TXNDC8: variants seen among roughly 807,000 people sequenced by gnomAD.
The protein encoded by TXNDC8 is thioredoxin domain-containing protein 8.
In TXNDC8, 15 loss-of-function variants were observed where a neutral mutation model predicts 12.9. The ratio of observed to expected loss-of-function variants is 1.16; its 90% CI spans 0.78 to 1.79. TXNDC8 has a LOEUF of 1.79. TXNDC8 is among the 40% of genes most tolerant of loss of function. The probability of loss-of-function intolerance (pLI) is 0.00; values close to 1 mark genes in which losing one functional copy is unlikely to be tolerated. For missense variants in TXNDC8, 128 were observed against 113.2 expected (o/e 1.13, Z -0.59); for synonymous variants, 40 against 35.4 (o/e 1.13, Z -0.46).
At chr9:110,322,830 C>T (rs1839159290) in intron 3 of TXNDC8, 1 of 985,402 alleles carries the variant, frequency 1.0e-6, no homozygotes, top group Non-Finnish European at 1.2e-6. Flanking sequence ...TTCATTCATG[C>T]ACTCACTCAT....
downstream of TXNDC8, among the ~76,000 whole-genome samples, chr9:110,303,185 G>A (rs1434015420): frequency 1.3e-5 from 2 of 152,178 alleles, no homozygotes; most frequent in Non-Finnish European, 2.9e-5. Flanking sequence ...CTTGACCACT[G>A]GGAAGAATTG....
At position 110,318,736 on chromosome 9, in the gene TXNDC8, TA is replaced by T. The variant is rs74834217; in HGVS notation, c.195+7438del. ...CTGGGCGACAGAGCAAGACTCCGTC[TA>T]AAAAAAAAAAAAATTTTAAGGGGTA... On this transcript the variant is annotated intron_variant, in intron 3 of 4. Transcript: ENST00000423740. 4.0e-3 allele frequency among the ~76,000 whole-genome samples: 564 copies of T among 141,194 alleles called. 1 individual carries two copies. Among genetic ancestry groups the T allele is most frequent in the African/African-American group, 6.4e-3 (246 of 38,554 alleles). 92.6% of individuals were successfully genotyped at this position (141,194 alleles called of 152,430 possible).
At chr9:110,307,139 A>C (rs993751144) in intron 3 of TXNDC8, among the ~76,000 whole-genome samples, 1 of 151,608 alleles carries the variant, frequency 6.6e-6, no homozygotes, top group African/African-American at 2.4e-5. Flanking sequence ...TTTTTTGTAA[A>C]GGCGAGATCT....
At chr9:110,337,447 T>C (rs1839801060) in intron 1 of TXNDC8, among the ~76,000 whole-genome samples, 1 of 152,146 alleles carries the variant, frequency 6.6e-6, no homozygotes, top group Non-Finnish European at 1.5e-5. Context: ...TTCCATGGAA[T>C]TTTCCAAGCA....
Position 110,319,363 on chromosome 9 carries a change from C to T in TXNDC8, c.195+6812G>A, listed in dbSNP as rs193107041. On this transcript the variant is annotated intron_variant, in intron 3 of 4. Coordinates refer to ENST00000423740, the MANE Select transcript of TXNDC8 (RefSeq NM_001286946.2). ...AAATTACTATTTATTTATACATTTT[C>T]AGAGAGATGGCCGTGCACAGCTAGA... Among the ~76,000 whole-genome samples the T allele has an allele frequency of 7.7e-4, 118 of 152,306 alleles. 1 individual carries two copies. The highest frequency in any genetic ancestry group is 7.1e-3 in the Admixed American group (109 of 15,298).
intron 3 of TXNDC8, among the ~76,000 whole-genome samples, chr9:110,315,101 C>T (rs1010384702): frequency 2.6e-5 from 4 of 151,884 alleles, no homozygotes; most frequent in African/African-American, 7.3e-5. Flanking sequence ...CATCCAGAGG[C>T]AGGTTTTTTT....
At chr9:110,308,298 G>A (rs10759409) in intron 3 of TXNDC8, among the ~76,000 whole-genome samples, 17,734 of 152,160 alleles carry the variant, frequency 0.12, 1,140 homozygotes, top group African/African-American at 0.17. Flanking sequence ...CCTTTATAGA[G>A]TCTGAGGTTG....
At chr9:110,333,401 T>G (rs1344446950) in intron 2 of TXNDC8, among the ~76,000 whole-genome samples, 2 of 152,182 alleles carry the variant, frequency 1.3e-5, no homozygotes, top group Admixed American at 6.5e-5. Flanking sequence ...CCTGAAACCA[T>G]CCCGGCACCC....
At chr9:110,321,191 G>A (rs1014758063) in intron 3 of TXNDC8, among the ~76,000 whole-genome samples, 1 of 152,226 alleles carries the variant, frequency 6.6e-6, no homozygotes, top group Non-Finnish European at 1.5e-5. Context: ...ATTCAAGGAT[G>A]TTGCAGTGTG....
At chr9:110,337,626 A>C in intron 1 of TXNDC8, 147 bp downstream of exon 1, 1 of 728,708 alleles carries the variant, frequency 1.4e-6, no homozygotes, top group East Asian at 2.9e-5. Context: ...TCAAGGAACA[A>C]GATAAAGAAC....
chr9:110,314,054 T>C (rs1280390389), intron 3 of TXNDC8, among the ~76,000 whole-genome samples: 1 of 152,230 alleles, frequency 6.6e-6, no homozygotes, highest in Non-Finnish European at 1.5e-5. Context: ...AAAGTCAAGC[T>C]GGGAACTGCT....
chr9:110,314,242 T>G (rs995472200), intron 3 of TXNDC8, among the ~76,000 whole-genome samples: 1 of 152,234 alleles, frequency 6.6e-6, no homozygotes, highest in South Asian at 2.1e-4. Flanking sequence ...CTGCCTTTCT[T>G]GACTGAACCA....
At chr9:110,320,741 T>G (rs952781736) in intron 3 of TXNDC8, among the ~76,000 whole-genome samples, 4 of 152,240 alleles carry the variant, frequency 2.6e-5, no homozygotes, top group Admixed American at 2.0e-4. Flanking sequence ...TACAAGAGAA[T>G]GCAGTTTAAT....
intron 3 of TXNDC8, among the ~76,000 whole-genome samples, chr9:110,319,879 CT>C (rs1839026701): frequency 6.6e-6 from 1 of 152,122 alleles, no homozygotes; most frequent in Non-Finnish European, 1.5e-5. Flanking sequence ...GTTGAAATGA[CT>C]TTTATAATCT....
chr9:110,320,777 G>A (rs1057278401), intron 3 of TXNDC8, among the ~76,000 whole-genome samples: 1 of 152,170 alleles, frequency 6.6e-6, no homozygotes, highest in African/African-American at 2.4e-5. Context: ...ACCAGACAAA[G>A]TTTTGGGTCC....
rs771172867 is a variant in TXNDC8 at position 110,304,571 on chromosome 9, G to T, written c.196-39C>A. The T allele has an allele frequency of 5.1e-6, 8 of 1,574,836 alleles. No homozygotes were observed. The South Asian group carries it at 6.9e-5, about 14-fold the overall frequency. ...CAGAATTTCATAATTTATCTGAGTT[G>T]CCTGGTTTGTAACCATCTCCCCTAT... On this transcript the variant is annotated intron_variant, in intron 3 of 4. Coordinates refer to ENST00000423740, the MANE Select transcript of TXNDC8 (RefSeq NM_001286946.2).
intron 2 of TXNDC8, among the ~76,000 whole-genome samples, chr9:110,330,536 C>T (rs1474914759): frequency 6.6e-6 from 1 of 152,176 alleles, no homozygotes; most frequent in Admixed American, 6.5e-5. Context: ...TATTGCCTTC[C>T]CCCGATCACA....
intron 2 of TXNDC8, among the ~76,000 whole-genome samples, chr9:110,333,202 G>A (rs551925972): frequency 6.6e-6 from 1 of 152,246 alleles, no homozygotes; most frequent in Admixed American, 6.5e-5. Context: ...TAGGAACCAG[G>A]CTGCACAACG....
intron 3 of TXNDC8, among the ~76,000 whole-genome samples, chr9:110,308,982 C>T (rs373368844): frequency 2.0e-5 from 3 of 152,226 alleles, no homozygotes; most frequent in East Asian, 1.9e-4. Flanking sequence ...TGTGTAATGG[C>T]GAATGAGAAC....
Sources: allele counts gnomAD v4.1 joint callset (sites outside exome capture counted in the v4.1 genomes callset), GRCh38; gene constraint gnomAD v4.1.1; transcripts MANE v1.5; gene names NCBI Gene and HGNC (gene_info 2026-07-23, HGNC 2026-07-21).